UGT1A8: variants seen among roughly 807,000 people sequenced by gnomAD.
UGT1A8 encodes the protein UDP-glucuronosyltransferase 1A8.
In UGT1A8, 39 loss-of-function variants were observed where a neutral mutation model predicts 45.3. That is an observed-to-expected ratio of 0.86 (90% confidence interval 0.67 to 1.12). UGT1A8 has a LOEUF of 1.12. UGT1A8 is among the 50% of genes most tolerant of loss of function. UGT1A8 has a pLI of 0.00. For missense variants in UGT1A8, 719 were observed against 664.9 expected, an observed-to-expected ratio of 1.08 and a Z score of -0.90; for synonymous variants, 275 against 249.2, an observed-to-expected ratio of 1.10 and a Z score of -0.97.
At chr2:233,727,899 C>T (rs1376574896) in intron 1 of UGT1A8, among the ~76,000 whole-genome samples, 1 of 152,176 alleles carries the variant, frequency 6.6e-6, no homozygotes, top group Admixed American at 6.5e-5. Context: ...CACGGCCAGG[C>T]AAGAAGACAC....
At chr2:233,738,669 A>C (rs1295571840) in intron 1 of UGT1A8, among the ~76,000 whole-genome samples, 2 of 152,218 alleles carry the variant, frequency 1.3e-5, no homozygotes, top group African/African-American at 4.8e-5. Context: ...CTTGAGAGAG[A>C]TGATCTGAAA....
chr2:233,688,542 C>T lies in UGT1A8; in HGVS notation c.855+69980C>T, dbSNP rs561616482. ...CCTAGAGTGGGTTTGACTTACATCA[C>T]ATGGTCTCTAATCCCTCAGCAAACA... is the stretch of plus-strand genomic sequence containing the variant. On this transcript the variant is annotated intron_variant, in intron 1 of 4. Coordinates refer to ENST00000373450, the MANE Select transcript of UGT1A8 (RefSeq NM_019076.5). Among the ~76,000 whole-genome samples, 94 of 152,312 alleles carry T rather than the reference C, an allele frequency of 6.2e-4. 1 individual carries two copies. The highest frequency in any genetic ancestry group is 1.3e-3 in the Non-Finnish European group (86 of 68,032).
intron 1 of UGT1A8, chr2:233,747,733 G>C (rs1192410134): frequency 9.3e-6 from 15 of 1,613,078 alleles, no homozygotes; most frequent in Middle Eastern, 3.3e-4. Flanking sequence ...TTTTTTTTGA[G>C]GAACATTCCA....
At chr2:233,721,697 G>A (rs1469805668) in intron 1 of UGT1A8, 9 of 355,958 alleles carry the variant, frequency 2.5e-5, no homozygotes, top group Admixed American at 6.5e-5. Flanking sequence ...CAAGACGCAT[G>A]GCTCATCTTG....
At chr2:233,731,444 C>T (rs1406518964) in intron 1 of UGT1A8, among the ~76,000 whole-genome samples, 1 of 152,126 alleles carries the variant, frequency 6.6e-6, no homozygotes, top group Non-Finnish European at 1.5e-5. Flanking sequence ...CAGTCCCCCA[C>T]CCCACAACAG....
At chr2:233,740,222 C>T (rs1446035659) in intron 1 of UGT1A8, among the ~76,000 whole-genome samples, 1 of 151,764 alleles carries the variant, frequency 6.6e-6, no homozygotes, top group Non-Finnish European at 1.5e-5. Context: ...TCAGCTGCGT[C>T]TTTATAGCAG....
At chr2:233,644,266 T>C (rs2073541687) in intron 1 of UGT1A8, among the ~76,000 whole-genome samples, 1 of 152,148 alleles carries the variant, frequency 6.6e-6, no homozygotes, top group South Asian at 2.1e-4. Context: ...AGCCTAGGGC[T>C]GGTTTAAATG....
intron 1 of UGT1A8, among the ~76,000 whole-genome samples, chr2:233,685,905 A>G (rs902693787): frequency 6.6e-6 from 1 of 152,240 alleles, no homozygotes; most frequent in Non-Finnish European, 1.5e-5. Flanking sequence ...CTCATTTTCA[A>G]TCCATCATTA....
rs371827044 is a variant in UGT1A8, at chr2:233,728,641, A to G, written c.856-38393A>G. 1.3e-4 allele frequency among the ~76,000 whole-genome samples: 20 copies of G among 152,302 alleles called. No homozygotes were observed. The East Asian group carries it at 3.3e-3, about 25-fold the overall frequency. On this transcript the variant is annotated intron_variant, in intron 1 of 4. Transcript: ENST00000373450. ...GAGAAAGCTGGCTTAGCAATGTTGT[A>G]TGGTTTTTGGATGCGCTGCGTTACT...
chr2:233,770,762 T>G (rs745553589), intron 4 of UGT1A8: 1 of 152,220 alleles, frequency 6.6e-6, no homozygotes, highest in Non-Finnish European at 1.5e-5. Flanking sequence ...AATATTACAT[T>G]ATAATAATGT....
chr2:233,669,119 T>G (rs2074132416), intron 1 of UGT1A8, among the ~76,000 whole-genome samples: 1 of 152,248 alleles, frequency 6.6e-6, no homozygotes, highest in African/African-American at 2.4e-5. Flanking sequence ...CAGAATTGCC[T>G]GTGCACCTTT....
At chr2:233,763,328 G>T (rs1698281248) in intron 1 of UGT1A8, among the ~76,000 whole-genome samples, 1 of 152,072 alleles carries the variant, frequency 6.6e-6, no homozygotes, top group African/African-American at 2.4e-5. Context: ...TATTATTTTT[G>T]TTTACATTTC....
intron 1 of UGT1A8, among the ~76,000 whole-genome samples, chr2:233,701,633 T>C (rs926764680): frequency 6.6e-6 from 1 of 152,218 alleles, no homozygotes; most frequent in Non-Finnish European, 1.5e-5. Context: ...ACAGAAATTA[T>C]AGCAAACTGT....
intron 1 of UGT1A8, among the ~76,000 whole-genome samples, chr2:233,630,667 G>A (rs1185235985): frequency 2.0e-5 from 3 of 152,128 alleles, no homozygotes; most frequent in Non-Finnish European, 2.9e-5. Flanking sequence ...GAGCTGGCAT[G>A]TCACATGGCA....
rs377755645 is a variant in UGT1A8, at chr2:233,743,742, C to T, written c.856-23292C>T. The T allele has an allele frequency of 2.5e-5, 34 of 1,367,276 alleles. No homozygotes were observed. In the South Asian group the frequency reaches 3.5e-4, roughly 14 times the overall value. The allele number at this position is 1,367,276 out of a possible 1,614,324, so 84.7% of individuals were successfully genotyped here. On this transcript the variant is annotated intron_variant, in intron 1 of 4. Coordinates refer to ENST00000373450, the MANE Select transcript of UGT1A8 (RefSeq NM_019076.5). ...CGGTCATAGATATCGCGTTTCTTGG[C>T]GTCCGACAACACCTCGTAGGCCTCG...
chr2:233,758,436 A>T (rs532506840), intron 1 of UGT1A8, among the ~76,000 whole-genome samples: 9 of 152,370 alleles, frequency 5.9e-5, no homozygotes, highest in African/African-American at 1.9e-4. Context: ...CTCACACAGC[A>T]TTGGGACTTT....
intron 1 of UGT1A8, 101 bp from the exon 2 acceptor site, chr2:233,766,933 A>C: frequency 6.3e-7 from 1 of 1,584,088 alleles, no homozygotes; most frequent in South Asian, 1.2e-5. Flanking sequence ...CATGCCTTTA[A>C]TCATAGTCTT....
chr2:233,637,382 G>C (rs1371928943), intron 1 of UGT1A8: 5 of 1,611,012 alleles, frequency 3.1e-6, no homozygotes, highest in Non-Finnish European at 4.2e-6. Context: ...CCTATGGTAA[G>C]TCACCTCTCC....
At chr2:233,673,011 T>C (rs1219183461) in intron 1 of UGT1A8, among the ~76,000 whole-genome samples, 1 of 152,214 alleles carries the variant, frequency 6.6e-6, no homozygotes, top group Non-Finnish European at 1.5e-5. Flanking sequence ...TTGTGGAACA[T>C]ATTCAGCCTA....
Sources: gnomAD v4.1 joint callset for allele counts (sites outside exome capture counted in the v4.1 genomes callset) on GRCh38, gnomAD v4.1.1 for gene constraint, MANE v1.5 for transcripts, NCBI Gene and HGNC (gene_info 2026-07-23, HGNC 2026-07-21) for gene names.